The following TSNARE1 variants were observed in gnomAD, a reference collection of about 807,000 sequenced individuals.
TSNARE1 encodes t-SNARE domain containing 1.
A neutral mutation model predicts 62.0 loss-of-function variants in TSNARE1; 49 were observed. The observed-to-expected ratio is 0.79, with a 90% CI of 0.63 to 1.00. The LOEUF (loss-of-function observed/expected upper bound fraction) is 1.00. TSNARE1 is among the 50% of genes least tolerant of loss of function. The probability of loss-of-function intolerance (pLI) is 0.00; values close to 1 mark genes in which losing one functional copy is unlikely to be tolerated. For synonymous variants in TSNARE1, 328 were observed against 294.4 expected (o/e 1.11, Z -1.17); for missense variants, 755 against 700.1 (o/e 1.08, Z -0.88).
chr8:142,288,483 C>T (rs534634519), intron 10 of TSNARE1, among the ~76,000 whole-genome samples: 3 of 152,340 alleles, frequency 2.0e-5, no homozygotes, highest in African/African-American at 4.8e-5. Context: ...ATCTCATCGC[C>T]GACACTCACT....
chr8:142,381,969 G>C (rs1836787720), intron 1 of TSNARE1, among the ~76,000 whole-genome samples: 1 of 152,114 alleles, frequency 6.6e-6, no homozygotes, highest in Non-Finnish European at 1.5e-5. Flanking sequence ...TCGGTGAGCA[G>C]GCCGCCACCT....
At chr8:142,237,648 G>T (rs987058479) in intron 12 of TSNARE1, among the ~76,000 whole-genome samples, 1 of 152,226 alleles carries the variant, frequency 6.6e-6, no homozygotes, top group Non-Finnish European at 1.5e-5. Context: ...GAGTGCACAG[G>T]CATACTCTCC....
chr8:142,223,036 T>C (rs1251781772), intron 13 of TSNARE1, among the ~76,000 whole-genome samples: 1 of 10,414 alleles, frequency 9.6e-5, no homozygotes, highest in Non-Finnish European at 2.8e-4. Flanking sequence ...ACTCACTCAT[T>C]CACTCACTCA....
intron 10 of TSNARE1, among the ~76,000 whole-genome samples, chr8:142,285,401 T>G (rs1586551458): frequency 1.9e-5 from 2 of 107,744 alleles, no homozygotes; most frequent in Non-Finnish European, 3.7e-5. Context: ...GATGGATGGG[T>G]GGGTGGGTGG....
At chr8:142,364,881 A>G (rs1013917486) in intron 1 of TSNARE1, among the ~76,000 whole-genome samples, 5 of 152,242 alleles carry the variant, frequency 3.3e-5, no homozygotes, top group African/African-American at 1.2e-4. Context: ...TTTAGAGTAG[A>G]AAGCCAGCTA....
intron 12 of TSNARE1, chr8:142,270,453 C>G: frequency 3.1e-6 from 3 of 982,540 alleles, no homozygotes; most frequent in Non-Finnish European, 3.6e-6. Flanking sequence ...GTCATCCCAG[C>G]CCCATACAGT....
At chr8:142,370,182 C>G (rs1465440245) in intron 1 of TSNARE1, among the ~76,000 whole-genome samples, 2 of 152,220 alleles carry the variant, frequency 1.3e-5, no homozygotes, top group Non-Finnish European at 2.9e-5. Flanking sequence ...GGACTTGCAG[C>G]CTTGAGAACT....
chr8:142,304,544 A>T (rs1826343657), intron 9 of TSNARE1, among the ~76,000 whole-genome samples: 1 of 152,188 alleles, frequency 6.6e-6, no homozygotes, highest in African/African-American at 2.4e-5. Flanking sequence ...CAGGAACCCG[A>T]GCACGAGGCT....
intron 10 of TSNARE1, among the ~76,000 whole-genome samples, chr8:142,297,150 G>A (rs1157892514): frequency 6.6e-6 from 1 of 152,246 alleles, no homozygotes; most frequent in Non-Finnish European, 1.5e-5. Flanking sequence ...AGCCAGGACA[G>A]CATGTCCCCA....
chr8:142,249,920 G>A (rs1424515232), intron 12 of TSNARE1, among the ~76,000 whole-genome samples: 1 of 152,224 alleles, frequency 6.6e-6, no homozygotes, highest in Admixed American at 6.5e-5. Flanking sequence ...CAACCTGGGG[G>A]CAATTGTGAC....
intron 1 of TSNARE1, among the ~76,000 whole-genome samples, chr8:142,361,090 G>T (rs1405130213): frequency 6.6e-6 from 1 of 152,238 alleles, no homozygotes; most frequent in African/African-American, 2.4e-5. Flanking sequence ...CCCCACACAG[G>T]TCGCACCAGC....
At chr8:142,383,794 C>A (rs1836934060) in intron 1 of TSNARE1, among the ~76,000 whole-genome samples, 1 of 152,120 alleles carries the variant, frequency 6.6e-6, no homozygotes, top group African/African-American at 2.4e-5. Context: ...TTCCTATTTC[C>A]TTCTAGAACT....
intron 10 of TSNARE1, among the ~76,000 whole-genome samples, chr8:142,289,988 T>C (rs1823485366): frequency 6.6e-6 from 1 of 152,094 alleles, no homozygotes; most frequent in African/African-American, 2.4e-5. Flanking sequence ...GCAGCTAGCA[T>C]GGGTGGGTCC....
At chr8:142,285,469 G>C (rs1253482797) in intron 10 of TSNARE1, among the ~76,000 whole-genome samples, 2 of 143,304 alleles carry the variant, frequency 1.4e-5, no homozygotes, top group East Asian at 2.3e-4. Context: ...GGATGGATGG[G>C]TGCATGGGTG....
chr8:142,314,484 A>G (rs764879670), intron 8 of TSNARE1, 44 bp from the exon 9 acceptor site: 2 of 1,560,550 alleles, frequency 1.3e-6, no homozygotes, highest in African/African-American at 1.4e-5. Context: ...AAGAGCAAAA[A>G]GGGTGGGGAA....
At chr8:142,220,024 G>C (rs1382387549) in intron 13 of TSNARE1, among the ~76,000 whole-genome samples, 1 of 152,230 alleles carries the variant, frequency 6.6e-6, no homozygotes, top group South Asian at 2.1e-4. Context: ...GCTGGCCCGA[G>C]GGCCATGTGG....
chr8:142,394,243 C>A (rs139538945), intron 1 of TSNARE1, among the ~76,000 whole-genome samples: 1 of 152,220 alleles, frequency 6.6e-6, no homozygotes, highest in African/African-American at 2.4e-5. Flanking sequence ...CGCAGAAAGA[C>A]GGGAGGTGCT....
At chr8:142,240,369 TG>T (rs113002422) in intron 12 of TSNARE1, among the ~76,000 whole-genome samples, 21,613 of 152,202 alleles carry the variant, frequency 0.14, 1,611 homozygotes, top group African/African-American at 0.15. Flanking sequence ...ATAAAGCTAC[TG>T]GGAGAAATTT....
At chr8:142,335,048 C>T (rs564219996) in intron 4 of TSNARE1, among the ~76,000 whole-genome samples, 2 of 152,282 alleles carry the variant, frequency 1.3e-5, no homozygotes, top group East Asian at 1.9e-4. Flanking sequence ...AAAACACTAT[C>T]GATTGTAAAA....
Sources: gnomAD v4.1 joint callset for allele counts (sites outside exome capture counted in the v4.1 genomes callset) on GRCh38, gnomAD v4.1.1 for gene constraint, MANE v1.5 for transcripts, NCBI Gene and HGNC (gene_info 2026-07-23, HGNC 2026-07-21) for gene names.